ERCC1: variants seen among roughly 807,000 people sequenced by gnomAD.
ERCC1 encodes ERCC excision repair 1, endonuclease non-catalytic subunit, also known as DNA excision repair protein ERCC-1.
In ERCC1, 36 loss-of-function variants were observed where a neutral mutation model predicts 37.6. The ratio of observed to expected loss-of-function variants is 0.96; its 90% CI spans 0.73 to 1.26. The LOEUF is 1.26. Ranked by LOEUF, ERCC1 falls within the 50% of genes most tolerant of loss-of-function variation. The pLI is 0.00. For missense variants in ERCC1, 349 were observed against 376.5 expected (o/e 0.93, Z 0.60); for synonymous variants, 156 against 162.1 (o/e 0.96, Z 0.28).
At chr19:45,429,904 C>T (rs1568594749) in intron 1 of ERCC1, among the ~76,000 whole-genome samples, 1 of 152,192 alleles carries the variant, frequency 6.6e-6, no homozygotes, top group East Asian at 1.9e-4. Flanking sequence ...CCTGCCTCAG[C>T]CTCCTGAGTA....
chr19:45,441,845 A>C (rs915253131), intron 1 of ERCC1, among the ~76,000 whole-genome samples: 4 of 146,788 alleles, frequency 2.7e-5, no homozygotes, highest in African/African-American at 1.0e-4. Flanking sequence ...ACCACGCCCA[A>C]CTAATTTTTT....
At chr19:45,441,013 A>C (rs1203235371) in intron 1 of ERCC1, among the ~76,000 whole-genome samples, 1 of 152,078 alleles carries the variant, frequency 6.6e-6, no homozygotes. Context: ...AAGGCACTGA[A>C]ATGACAGGCA....
chr19:45,419,292 T>A, intron 4 of ERCC1, 95 bp from the exon 5 acceptor site: 3 of 881,242 alleles, frequency 3.4e-6, no homozygotes, highest in Non-Finnish European at 5.6e-6. Context: ...GGGCTCAGAG[T>A]ACGGCATGGG....
chr19:45,436,402 G>A (rs1204983848), intron 1 of ERCC1, among the ~76,000 whole-genome samples: 1 of 152,098 alleles, frequency 6.6e-6, no homozygotes, highest in African/African-American at 2.4e-5. Flanking sequence ...CGAGGCGGGC[G>A]GATCACGAGG....
chr19:45,450,930 GA>G (rs1400945384), intron 1 of ERCC1, among the ~76,000 whole-genome samples: 2 of 134,494 alleles, frequency 1.5e-5, no homozygotes, highest in African/African-American at 2.7e-5. Context: ...GCGGTGACGC[GA>G]CGGACTGTGG....
In ERCC1 at chr19:45,423,370, T is replaced by C; in HGVS notation, c.5A>G (p.Asp2Gly). Reference protein sequence around the residue: MDPGKDKEGVPQ... With the variant: MGPGKDKEGVPQ... Reference sequence around the variant, plus strand: ...CACCCCCTCTTTGTCCTTCCCAGGGTCCATCTGGAGCCTGAAAGGGAAGGT... The same window carrying C: ...CACCCCCTCTTTGTCCTTCCCAGGGCCCATCTGGAGCCTGAAAGGGAAGGT... Residue 2 changes from aspartate to glycine, a missense_variant, in exon 2 of 10, where the codon GAC becomes GGC. Asp to Gly is a moderately conservative substitution (Grantham distance 94). Transcript: ENST00000300853. 6.2e-7 allele frequency: 1 copy of C among 1,611,712 alleles called. No individual in the cohort carries two copies.
At chr19:45,436,080 C>T (rs976649290) in intron 1 of ERCC1, among the ~76,000 whole-genome samples, 9 of 151,590 alleles carry the variant, frequency 5.9e-5, no homozygotes, top group South Asian at 4.2e-4. Context: ...TTTTTTAAAA[C>T]GGGAAAAATA....
intron 3 of ERCC1, 122 bp downstream of exon 3, chr19:45,421,040 CGAATGAATGAATGAAT>C (rs3212949): frequency 3.9e-6 from 3 of 773,654 alleles, no homozygotes; most frequent in African/African-American, 3.4e-5. Flanking sequence ...ACACTGCTGT[CGAATGAATGAATGAAT>C]GAATGAATGA....
At chr19:45,440,593 T>C (rs1975095972) in intron 1 of ERCC1, among the ~76,000 whole-genome samples, 1 of 152,168 alleles carries the variant, frequency 6.6e-6, no homozygotes, top group African/African-American at 2.4e-5. Context: ...CACGGCTCAT[T>C]CTGTGACCAG....
In ERCC1 at chr19:45,407,413, C is replaced by A; in HGVS notation, c.*2262G>T. ...CTCAGAAAGCAGGGGGAGAAACCCA[C>A]AGCCCTTTGTTAGTATTTCTACTTA... On this transcript the variant is annotated 3_prime_UTR_variant, in exon 10 of 10. Transcript: ENST00000300853. 2 of 591,572 alleles carry A rather than the reference C, an allele frequency of 3.4e-6. No homozygotes were observed. The highest frequency in any genetic ancestry group is 5.8e-6 in the Non-Finnish European group (2 of 347,674). The allele number at this position is 591,572 out of a possible 1,614,324, so 36.6% of individuals were successfully genotyped here.
rs553891524 is a variant in ERCC1 at position 45,446,960 on chromosome 19, T to C, written c.-7-23579A>G. On this transcript the variant is annotated intron_variant, in intron 1 of 8. Coordinates refer to the ERCC1 transcript ENST00000423698. ...TTGCAGTGAGCCAAGAACGCGCCAT[T>C]GCACTCCAGCCTGGGTGACAGGGTG... is the stretch of plus-strand genomic sequence containing the variant. 3.9e-5 allele frequency among the ~76,000 whole-genome samples: 6 copies of C among 152,012 alleles called. No individual in the cohort carries two copies. In the East Asian group the frequency reaches 7.7e-4, roughly 20 times the overall value.
At chr19:45,426,294 G>A (rs565033623), upstream of ERCC1, among the ~76,000 whole-genome samples, 4 of 148,678 alleles carry the variant, frequency 2.7e-5, no homozygotes, top group South Asian at 2.1e-4. Flanking sequence ...CAGAAGAATC[G>A]CTTGAACCTG....
At chr19:45,434,879 G>T (rs1033405980) in intron 1 of ERCC1, among the ~76,000 whole-genome samples, 1 of 151,968 alleles carries the variant, frequency 6.6e-6, no homozygotes, top group African/African-American at 2.4e-5. Context: ...GGGTTCAAGC[G>T]ATTCTGCTGT....
intron 4 of ERCC1, 107 bp from the exon 5 acceptor site, chr19:45,419,304 G>A (rs970283034): frequency 1.2e-6 from 1 of 808,484 alleles, no homozygotes; most frequent in African/African-American, 1.7e-5. Flanking sequence ...CGGCATGGGG[G>A]ACAGAGGGTC....
chr19:45,425,953 A>T (rs144512900), upstream of ERCC1, among the ~76,000 whole-genome samples: 3 of 150,212 alleles, frequency 2.0e-5, no homozygotes, highest in Admixed American at 6.6e-5. Flanking sequence ...ATTTTACTTA[A>T]TTTTTTTTTT....
intron 1 of ERCC1, among the ~76,000 whole-genome samples, chr19:45,435,425 G>C (rs773432991): frequency 7.9e-5 from 12 of 152,172 alleles, no homozygotes; most frequent in Admixed American, 1.3e-4. Flanking sequence ...CAAACCTTGT[G>C]CTCTGTCTCA....
chr19:45,413,839 G>A, intron 8 of ERCC1, 94 bp from the exon 9 acceptor site: 2 of 1,592,306 alleles, frequency 1.3e-6, no homozygotes, highest in East Asian at 4.5e-5. Flanking sequence ...CAGGGGAGAT[G>A]AGGGCCTGTG....
At chr19:45,417,594 C>T (rs143598538) in intron 5 of ERCC1, among the ~76,000 whole-genome samples, 182 of 152,196 alleles carry the variant, frequency 1.2e-3, no homozygotes, top group Middle Eastern at 6.8e-3. Context: ...ATCTTAGAGA[C>T]GGGCCTGGAG....
intron 1 of ERCC1, among the ~76,000 whole-genome samples, chr19:45,432,331 T>C (rs922410861): frequency 6.6e-6 from 1 of 151,372 alleles, no homozygotes; most frequent in Non-Finnish European, 1.5e-5. Flanking sequence ...TTTTTAGAGA[T>C]GGGGGTCTTG....
Sources: allele counts gnomAD v4.1 joint callset (sites outside exome capture counted in the v4.1 genomes callset), GRCh38; gene constraint gnomAD v4.1.1; transcripts MANE v1.5; gene names NCBI Gene and HGNC (gene_info 2026-07-23, HGNC 2026-07-21).